CDC42EP4: variants seen among roughly 807,000 people sequenced by gnomAD.
The protein encoded by CDC42EP4 is CDC42 effector protein 4.
A neutral mutation model predicts 5.6 loss-of-function variants in CDC42EP4; 6 were observed. The ratio of observed to expected loss-of-function variants is 1.07; its 90% CI spans 0.59 to 2.12. The LOEUF (loss-of-function observed/expected upper bound fraction) is 2.12. Ranked by LOEUF, CDC42EP4 falls within the 30% of genes most tolerant of loss-of-function variation. The probability of loss-of-function intolerance (pLI) is 0.00; values close to 1 mark genes in which losing one functional copy is unlikely to be tolerated. For synonymous variants in CDC42EP4, 230 were observed against 224.2 expected, an observed-to-expected ratio of 1.03 and a Z score of -0.23; for missense variants, 490 against 508.6, an observed-to-expected ratio of 0.96 and a Z score of 0.35.
chr17:73,293,505 G>C (rs1434855987), intron 1 of CDC42EP4, among the ~76,000 whole-genome samples: 1 of 152,204 alleles, frequency 6.6e-6, no homozygotes, highest in Admixed American at 6.5e-5. Context: ...TCCTTTCCCA[G>C]GTTTTGCCTG....
chr17:73,297,301 A>ACACACACACACACACACACACACAC (rs1568343473), intron 1 of CDC42EP4, among the ~76,000 whole-genome samples: 6 of 147,692 alleles, frequency 4.1e-5, no homozygotes, highest in African/African-American at 1.5e-4. Context: ...TCTCCAAAAA[A>ACACACACACACACACACACACACAC]AAAAAAAAAC....
chr17:73,308,151 C>T (rs1226236985), intron 1 of CDC42EP4, among the ~76,000 whole-genome samples: 1 of 152,222 alleles, frequency 6.6e-6, no homozygotes, highest in African/African-American at 2.4e-5. Flanking sequence ...AGAGAGGGCA[C>T]GCATGGGCTT....
rs1457800083 is a variant in CDC42EP4 at position 73,285,496 on chromosome 17, G to C, written c.1005C>G (p.Val335=). 6.2e-7 allele frequency: 1 copy of C among 1,600,142 alleles called. No individual in the cohort carries two copies. Among genetic ancestry groups the C allele is most frequent in the African/African-American group, 1.3e-5 (1 of 74,666 alleles). Residue 335 remains valine, a synonymous_variant, in exon 2 of 2, where the codon GTC becomes GTG. Coordinates refer to ENST00000335793, the MANE Select transcript of CDC42EP4 (RefSeq NM_012121.5). This position sits in a 1 kb window ranked among gnomAD's most constrained non-coding sequence, Gnocchi z 6.8. ...FRGPDRARAA[V]SRQPDKEFSF... ...AGAACTCCTTGTCTGGCTGTCTTGAGACAGCAGCCCGGGCCCTGTCCGGCC... is the reference window on the plus strand; with the variant it reads ...AGAACTCCTTGTCTGGCTGTCTTGACACAGCAGCCCGGGCCCTGTCCGGCC...
intron 1 of CDC42EP4, among the ~76,000 whole-genome samples, chr17:73,305,706 C>G (rs2145327995): frequency 7.1e-6 from 1 of 140,822 alleles, no homozygotes; most frequent in South Asian, 2.1e-4. Flanking sequence ...AAGTGCTGTG[C>G]TCGGGTGAGC....
At chr17:73,304,542 T>C (rs2062235361) in intron 1 of CDC42EP4, among the ~76,000 whole-genome samples, 1 of 148,916 alleles carries the variant, frequency 6.7e-6, no homozygotes, top group Admixed American at 6.8e-5. Context: ...CACCGAGACT[T>C]AGAGGGGCAC....
At position 73,289,743 on chromosome 17, in the gene CDC42EP4, A is replaced by G. The variant is rs78338829; in HGVS notation, c.-112-3131T>C. On this transcript the variant is annotated intron_variant, in intron 1 of 1. Coordinates refer to ENST00000335793, the MANE Select transcript of CDC42EP4 (RefSeq NM_012121.5). Reference sequence around the variant, plus strand: ...GAAGGGAGGAAGGGAGGGAGGGAGGAAGGGAGGGAGGAAGGGAGGGGAAGG... The same window carrying G: ...GAAGGGAGGAAGGGAGGGAGGGAGGGAGGGAGGGAGGAAGGGAGGGGAAGG... Among the ~76,000 whole-genome samples the G allele has an allele frequency of 8.9e-3, 845 of 94,632 alleles. 9 individuals are homozygous for G. Among genetic ancestry groups the G allele is most frequent in the African/African-American group, 0.032 (789 of 24,508 alleles). 62.1% of individuals were successfully genotyped at this position (94,632 alleles called of 152,430 possible).
chr17:73,297,948 C>T (rs538484104), intron 1 of CDC42EP4, among the ~76,000 whole-genome samples: 3 of 151,568 alleles, frequency 2.0e-5, no homozygotes, highest in East Asian at 3.9e-4. Context: ...TGTGAGCCAC[C>T]GCACCTGGCC....
At chr17:73,291,101 G>A (rs1158187810) in intron 1 of CDC42EP4, among the ~76,000 whole-genome samples, 1 of 152,184 alleles carries the variant, frequency 6.6e-6, no homozygotes, top group Non-Finnish European at 1.5e-5. Flanking sequence ...TAGCCCTGGG[G>A]TCCCCAGGAT....
intron 1 of CDC42EP4, among the ~76,000 whole-genome samples, chr17:73,295,194 T>A (rs1490160469): frequency 6.6e-6 from 1 of 151,594 alleles, no homozygotes; most frequent in Non-Finnish European, 1.5e-5. Context: ...GATTGAGAGA[T>A]GGTAGACATC....
chr17:73,293,534 T>A (rs1440426602), intron 1 of CDC42EP4, among the ~76,000 whole-genome samples: 1 of 152,164 alleles, frequency 6.6e-6, no homozygotes, highest in African/African-American at 2.4e-5. Context: ...CGGCCCCTTC[T>A]CACAGGAGGG....
intron 1 of CDC42EP4, among the ~76,000 whole-genome samples, chr17:73,302,600 G>A (rs760454183): frequency 3.3e-5 from 5 of 151,908 alleles, no homozygotes; most frequent in African/African-American, 9.7e-5. Flanking sequence ...CCTCAGTCCC[G>A]AGTAGCTGGG....
At chr17:73,298,114 A>G (rs764748810) in intron 1 of CDC42EP4, among the ~76,000 whole-genome samples, 1 of 152,096 alleles carries the variant, frequency 6.6e-6, no homozygotes, top group Non-Finnish European at 1.5e-5. Flanking sequence ...TAAGATGCCA[A>G]CTGAGGACTG....
chr17:73,297,996 GAAA>G (rs34291199), intron 1 of CDC42EP4, among the ~76,000 whole-genome samples: 3 of 103,382 alleles, frequency 2.9e-5, no homozygotes, highest in Admixed American at 1.0e-4. Context: ...CAACAACAGC[GAAA>G]AAAAAAAAAA....
rs780025810 is a variant in CDC42EP4, at chr17:73,286,078, G to A, written c.423C>T (p.Ser141=). Residue 141 remains serine, a synonymous_variant, in exon 2 of 2, where the codon TCC becomes TCT. Coordinates refer to ENST00000335793, the MANE Select transcript of CDC42EP4 (RefSeq NM_012121.5). This position sits in a 1 kb window ranked among gnomAD's most constrained non-coding sequence, Gnocchi z 7.7. The part of the protein sequence containing the change: ...GTSKLPKSLS[S]SPVKKANDGE... ...CGTCATTGGCCTTCTTCACGGGGCTGGATGACAGGCTCTTGGGCAGCTTAC... is the reference window on the plus strand; with the variant it reads ...CGTCATTGGCCTTCTTCACGGGGCTAGATGACAGGCTCTTGGGCAGCTTAC... 6.2e-6 allele frequency: 10 copies of A among 1,614,008 alleles called. No individual in the cohort carries two copies. Among genetic ancestry groups the A allele is most frequent in the Middle Eastern group, 3.3e-4 (2 of 6,062 alleles).
At chr17:73,307,760 CTTTTT>C (rs539543636) in intron 1 of CDC42EP4, among the ~76,000 whole-genome samples, 25 of 107,186 alleles carry the variant, frequency 2.3e-4, no homozygotes, top group Middle Eastern at 5.7e-3. Context: ...GAATTTCTCT[CTTTTT>C]TTTTTTTTTT....
chr17:73,307,758 CTCT>C (rs1478986754), intron 1 of CDC42EP4, among the ~76,000 whole-genome samples: 4 of 110,928 alleles, frequency 3.6e-5, no homozygotes, highest in South Asian at 6.6e-4. Flanking sequence ...CTGAATTTCT[CTCT>C]TTTTTTTTTT....
At chr17:73,303,004 A>G (rs1388539256) in intron 1 of CDC42EP4, among the ~76,000 whole-genome samples, 2 of 129,872 alleles carry the variant, frequency 1.5e-5, no homozygotes, top group East Asian at 4.9e-4. Flanking sequence ...AGATGGCGCC[A>G]CTGCACTCCA....
intron 1 of CDC42EP4, among the ~76,000 whole-genome samples, chr17:73,297,916 C>T (rs1263300279): frequency 6.6e-6 from 1 of 151,968 alleles, no homozygotes; most frequent in Non-Finnish European, 1.5e-5. Flanking sequence ...GCCTCAGCCT[C>T]CCAAAGTGCT....
At chr17:73,296,375 G>A (rs960483090) in intron 1 of CDC42EP4, among the ~76,000 whole-genome samples, 12 of 142,084 alleles carry the variant, frequency 8.4e-5, no homozygotes, top group Non-Finnish European at 7.5e-5. Context: ...CCGAGATCAC[G>A]CCATTGCACT....
Sources: gnomAD v4.1 joint callset for allele counts (sites outside exome capture counted in the v4.1 genomes callset) on GRCh38, gnomAD v4.1.1 for gene constraint, Gnocchi (gnomAD v3.1) non-coding constraint, MANE v1.5 for transcripts, NCBI Gene and HGNC (gene_info 2026-07-23, HGNC 2026-07-21) for gene names.